Variants in PRPF18 observed in about 807,000 individuals in gnomAD.
PRPF18 encodes pre-mRNA-splicing factor 18.
PRPF18 carries 38 observed loss-of-function variants against 46.5 expected under a neutral mutation model. The observed-to-expected ratio is 0.82, with a 90% CI of 0.63 to 1.07. The LOEUF (loss-of-function observed/expected upper bound fraction) is 1.07, where lower values mean the gene tolerates loss of function less well. Ranked by LOEUF, PRPF18 falls within the 50% of genes least tolerant of loss-of-function variation. The probability of loss-of-function intolerance (pLI) is 0.00; values close to 1 mark genes in which losing one functional copy is unlikely to be tolerated. For missense variants in PRPF18, 263 were observed against 410.0 expected (o/e 0.64, Z 3.10); for synonymous variants, 152 against 146.7 (o/e 1.04, Z -0.26).
At chr10:13,634,248 C>T (rs1413605372), downstream of PRPF18, among the ~76,000 whole-genome samples, 3 of 152,154 alleles carry the variant, frequency 2.0e-5, no homozygotes, top group Non-Finnish European at 4.4e-5. Flanking sequence ...CTTGTGTTGC[C>T]TCTGCTGGTC....
chr10:13,587,190 G>A (rs1384427924), intron 1 of PRPF18, 38 bp downstream of exon 1: 2 of 1,573,574 alleles, frequency 1.3e-6, no homozygotes, highest in East Asian at 2.2e-5. Context: ...GGATGTAAGA[G>A]TGAGAGTATG....
downstream of PRPF18, chr10:13,632,651 C>T (rs2080600677): frequency 6.6e-6 from 1 of 152,154 alleles, no homozygotes; most frequent in South Asian, 2.1e-4. Flanking sequence ...AAAAAAGGAA[C>T]CTGTTCCACA....
chr10:13,641,674 G>A, the PRPF18 span: 2 of 152,224 alleles, frequency 1.3e-5, no homozygotes, highest in Non-Finnish European at 2.9e-5. Flanking sequence ...GTGGCATCCT[G>A]ACATCCCAGT....
intron 1 of PRPF18, among the ~76,000 whole-genome samples, chr10:13,590,194 T>A (rs2079937419): frequency 6.6e-6 from 1 of 152,056 alleles, no homozygotes; most frequent in Non-Finnish European, 1.5e-5. Context: ...GTGTCTTTCA[T>A]TTTTTAATTT....
chr10:13,614,324 A>T (rs1021499644), intron 8 of PRPF18, among the ~76,000 whole-genome samples: 1 of 152,232 alleles, frequency 6.6e-6, no homozygotes, highest in Non-Finnish European at 1.5e-5. Context: ...GGTCATTTTT[A>T]AAATAGGCCT....
chr10:13,643,978 A>G, the PRPF18 span: 1 of 152,648 alleles, frequency 6.6e-6, no homozygotes, highest in African/African-American at 2.4e-5. Context: ...ACAACTTGTA[A>G]TAAACTATTG....
chr10:13,654,591 G>T, the PRPF18 span: 2 of 877,462 alleles, frequency 2.3e-6, no homozygotes, highest in Non-Finnish European at 3.7e-6. Flanking sequence ...CTTGTTGGCT[G>T]ACACCAACCC....
the PRPF18 span, chr10:13,639,418 G>C: frequency 6.6e-6 from 1 of 151,900 alleles, no homozygotes; most frequent in Non-Finnish European, 1.5e-5. Flanking sequence ...AAAATACATG[G>C]CTCTGGTTTC....
rs563204116 is a variant in PRPF18, at chr10:13,590,160, T to A, written c.66+3008T>A. On this transcript the variant is annotated intron_variant, in intron 1 of 9. Transcript: ENST00000378572. The stretch of plus-strand genomic sequence containing the variant: ...TAGATTCTTCAGGGTCATTTATAAT[T>A]TATAATATATAAACTTTTCCTGGGT... 3.9e-5 allele frequency among the ~76,000 whole-genome samples: 6 copies of A among 152,130 alleles called. No individual in the cohort carries two copies. In the East Asian group the frequency reaches 1.2e-3, roughly 29 times the overall value.
chr10:13,591,873 C>T, intron 1 of PRPF18: 2 of 1,422,520 alleles, frequency 1.4e-6, no homozygotes, highest in South Asian at 2.2e-5. Context: ...TGAGGATGAT[C>T]AGAACGTTCC....
chr10:13,590,553 G>A (rs1420381788), intron 1 of PRPF18, among the ~76,000 whole-genome samples: 9 of 150,678 alleles, frequency 6.0e-5, no homozygotes, highest in Non-Finnish European at 1.3e-4. Context: ...CCCGGGAGGC[G>A]GGGCTTGCAG....
chr10:13,587,520 G>A (rs1475266187), intron 1 of PRPF18, among the ~76,000 whole-genome samples: 1 of 152,224 alleles, frequency 6.6e-6, no homozygotes, highest in Non-Finnish European at 1.5e-5. Flanking sequence ...TCAGGCTGCG[G>A]CTCTCCCCGC....
At chr10:13,597,668 A>G in intron 2 of PRPF18, 133 bp downstream of exon 2, 2 of 1,601,560 alleles carry the variant, frequency 1.2e-6, no homozygotes, top group South Asian at 2.2e-5. Context: ...AGCCATCTGG[A>G]GAGGTATGAG....
the PRPF18 span, chr10:13,654,131 C>G: frequency 1.9e-6 from 1 of 530,516 alleles, no homozygotes; most frequent in Non-Finnish European, 3.3e-6. Context: ...GTCTGGAAAT[C>G]TTACCAAAGA....
At chr10:13,654,653 G>C in the PRPF18 span, 5 of 619,142 alleles carry the variant, frequency 8.1e-6, no homozygotes, top group Non-Finnish European at 5.8e-6. Context: ...CCCAGAGCAG[G>C]GTCTCAGCAT....
Position 13,630,448 on chromosome 10 carries a change from C to T in PRPF18, c.*108C>T. 2 of 833,180 alleles carry T rather than the reference C, an allele frequency of 2.4e-6. No homozygotes were observed. The highest frequency in any genetic ancestry group is 3.8e-6 in the Non-Finnish European group (2 of 531,834). The allele number at this position is 833,180 out of a possible 1,614,324, so 51.6% of individuals were successfully genotyped here. On this transcript the variant is annotated 3_prime_UTR_variant, in exon 10 of 10. Coordinates refer to ENST00000378572, the MANE Select transcript of PRPF18 (RefSeq NM_003675.4). ...AAAGAAGAAAACTGGAGTTTCCAGT[C>T]TCTGAGTTCTACCTGATGTAACTCT...
chr10:13,588,967 A>G (rs2079917779), intron 1 of PRPF18, among the ~76,000 whole-genome samples: 2 of 152,220 alleles, frequency 1.3e-5, no homozygotes, highest in Admixed American at 1.3e-4. Context: ...TCACTGATCG[A>G]TCATTTGGAA....
Position 13,609,886 on chromosome 10 carries a change from G to T in PRPF18, c.364-153G>T, listed in dbSNP as rs1321883826. On this transcript the variant is annotated intron_variant, in intron 4 of 9. Coordinates refer to ENST00000378572, the MANE Select transcript of PRPF18 (RefSeq NM_003675.4). ...CTTTAAATGGACAGTAGTGATAGTTGTGTGATAAATTGATGTGATTTGAGT... is the reference window on the plus strand; with the variant it reads ...CTTTAAATGGACAGTAGTGATAGTTTTGTGATAAATTGATGTGATTTGAGT... 2.0e-5 allele frequency among the ~76,000 whole-genome samples: 3 copies of T among 152,244 alleles called. No homozygotes were observed. The East Asian group carries it at 5.8e-4, about 29-fold the overall frequency.
chr10:13,637,524 C>T, the PRPF18 span, among the ~76,000 whole-genome samples: 1 of 152,302 alleles, frequency 6.6e-6, no homozygotes, highest in Admixed American at 6.5e-5. Context: ...TTTTCCCCTA[C>T]TGAATTGCCT....
Sources: allele counts gnomAD v4.1 joint callset (sites outside exome capture counted in the v4.1 genomes callset), GRCh38; gene constraint gnomAD v4.1.1; transcripts MANE v1.5; gene names NCBI Gene and HGNC (gene_info 2026-07-23, HGNC 2026-07-21).